The following SMG6 variants were observed in gnomAD, a reference collection of about 807,000 sequenced individuals.
SMG6 encodes the protein SMG6 nonsense mediated mRNA decay factor.
In SMG6, 66 loss-of-function variants were observed where a neutral mutation model predicts 142.2. The observed-to-expected ratio is 0.46, with a 90% CI of 0.38 to 0.57. SMG6 has a LOEUF of 0.57. SMG6 is among the 20% of genes least tolerant of loss of function. The pLI is 0.00. For missense variants in SMG6, 1,793 were observed against 1,832.0 expected (o/e 0.98, Z 0.39); for synonymous variants, 779 against 702.4 (o/e 1.11, Z -1.72).
intron 13 of SMG6, chr17:2,127,325 C>T (rs555921992): frequency 8.8e-6 from 4 of 454,684 alleles, no homozygotes; most frequent in African/African-American, 4.0e-5. Flanking sequence ...TAGTGATGGT[C>T]GCACAACACT....
At chr17:2,272,758 G>A (rs1194563921) in intron 8 of SMG6, among the ~76,000 whole-genome samples, 4 of 152,048 alleles carry the variant, frequency 2.6e-5, no homozygotes, top group Admixed American at 2.6e-4. Context: ...CTAACACGGT[G>A]AAACCCCATC....
At chr17:2,140,002 A>T (rs1455538573) in intron 13 of SMG6, among the ~76,000 whole-genome samples, 2 of 152,324 alleles carry the variant, frequency 1.3e-5, no homozygotes, top group East Asian at 3.9e-4. Context: ...CTGGGATTAC[A>T]GGCGTGAGCC....
At chr17:2,227,758 A>T (rs1567699445) in intron 10 of SMG6, among the ~76,000 whole-genome samples, 1 of 152,250 alleles carries the variant, frequency 6.6e-6, no homozygotes, top group Admixed American at 6.5e-5. Context: ...AATTCATTTT[A>T]AAATATAGGA....
At chr17:2,134,522 T>C (rs1023879321) in intron 13 of SMG6, among the ~76,000 whole-genome samples, 3 of 150,292 alleles carry the variant, frequency 2.0e-5, no homozygotes, top group Non-Finnish European at 4.4e-5. Flanking sequence ...AAAATGCTGA[T>C]GTAAGTTTTA....
intron 13 of SMG6, among the ~76,000 whole-genome samples, chr17:2,165,544 A>G (rs2071310807): frequency 6.6e-6 from 1 of 152,244 alleles, no homozygotes; most frequent in African/African-American, 2.4e-5. Flanking sequence ...AAAATCTGAA[A>G]TCAAGCTTTG....
intron 13 of SMG6, among the ~76,000 whole-genome samples, chr17:2,164,081 G>A (rs1268341874): frequency 2.6e-5 from 4 of 151,464 alleles, no homozygotes; most frequent in Non-Finnish European, 5.9e-5. Context: ...GGACGACAAT[G>A]ACAGGGTGAA....
At chr17:2,272,831 G>A (rs761556906) in intron 8 of SMG6, among the ~76,000 whole-genome samples, 6 of 151,896 alleles carry the variant, frequency 4.0e-5, no homozygotes, top group East Asian at 1.9e-4. Flanking sequence ...CCAGCTACTC[G>A]GGAGGCTGAG....
intron 13 of SMG6, among the ~76,000 whole-genome samples, chr17:2,139,852 A>G (rs1283427536): frequency 6.6e-6 from 1 of 151,928 alleles, no homozygotes; most frequent in Non-Finnish European, 1.5e-5. Context: ...CAGCCTCCCA[A>G]GTAGCTGGGA....
chr17:2,182,352 T>C (rs1231882255), intron 12 of SMG6, among the ~76,000 whole-genome samples: 4 of 152,152 alleles, frequency 2.6e-5, no homozygotes, highest in Non-Finnish European at 5.9e-5. Flanking sequence ...GCTCCAAGGC[T>C]TCAGCCTGGA....
At chr17:2,208,198 A>G (rs899198272) in intron 10 of SMG6, among the ~76,000 whole-genome samples, 85 of 152,132 alleles carry the variant, frequency 5.6e-4, no homozygotes, top group African/African-American at 2.1e-3. Flanking sequence ...AAGAGACAAA[A>G]TAGCAAACCT....
Position 2,243,110 on chromosome 17 carries a change from T to C in SMG6, c.2723+1548A>G, listed in dbSNP as rs531604777. On this transcript the variant is annotated intron_variant, in intron 9 of 18. Transcript: ENST00000263073. Reference sequence around the variant, plus strand: ...AGTGATGCATCTAGTTTACTTTGCCTAAGTGAATGTCTCCACCTGTTATGT... The same window carrying C: ...AGTGATGCATCTAGTTTACTTTGCCCAAGTGAATGTCTCCACCTGTTATGT... 1.4e-4 allele frequency among the ~76,000 whole-genome samples: 22 copies of C among 152,256 alleles called. No homozygotes were observed. In the South Asian group the frequency reaches 4.6e-3, roughly 32 times the overall value.
At chr17:2,290,837 T>A (rs2075014745) in intron 6 of SMG6, among the ~76,000 whole-genome samples, 1 of 152,164 alleles carries the variant, frequency 6.6e-6, no homozygotes, top group African/African-American at 2.4e-5. Flanking sequence ...GATATGTAGA[T>A]GGCAAGCATA....
chr17:2,276,346 T>G (rs2074648264), intron 8 of SMG6, among the ~76,000 whole-genome samples: 1 of 151,958 alleles, frequency 6.6e-6, no homozygotes, highest in Non-Finnish European at 1.5e-5. Flanking sequence ...AGGATCATGT[T>G]AGGAGCCAGG....
chr17:2,212,534 T>C (rs762601807), intron 10 of SMG6: 10 of 152,066 alleles, frequency 6.6e-5, no homozygotes, highest in Non-Finnish European at 1.5e-4. Context: ...TGACCTTCAG[T>C]TTTCAAACCA....
rs1361865730 is a variant in SMG6 at position 2,236,615 on chromosome 17, C to G, written c.2746G>C (p.Ala916Pro). 1 of 1,611,910 alleles carries G rather than the reference C, an allele frequency of 6.2e-7. No homozygotes were observed. Among genetic ancestry groups the G allele is most frequent in the Non-Finnish European group, 8.5e-7 (1 of 1,178,996 alleles). The change falls in exon 10 of 19, where the codon GCT becomes CCT. Residue 916 changes from alanine to proline, a missense_variant. Ala to Pro is a conservative substitution (Grantham distance 27). Coordinates refer to ENST00000263073, the MANE Select transcript of SMG6 (RefSeq NM_017575.5). Reference protein sequence around the residue: ...RIGMETFPAVAEKVLKEFQVL... With the variant: ...RIGMETFPAVPEKVLKEFQVL... ...TGGAACTCCTTGAGGACCTTCTCAG[C>G]CACTGCAGGGAATGTCTCCATCCTG...
At chr17:2,118,074 T>C (rs1371944580) in intron 13 of SMG6, among the ~76,000 whole-genome samples, 5 of 151,580 alleles carry the variant, frequency 3.3e-5, no homozygotes, top group Admixed American at 1.3e-4. Flanking sequence ...GAGACCCCAT[T>C]TCTATAAAAA....
intron 13 of SMG6, chr17:2,117,578 G>A (rs2069546816): frequency 6.6e-6 from 1 of 151,984 alleles, no homozygotes; most frequent in Non-Finnish European, 1.5e-5. Flanking sequence ...AATGTATTTA[G>A]GAATAAACTT....
chr17:2,251,531 C>T (rs1363857442), intron 8 of SMG6, among the ~76,000 whole-genome samples: 2 of 152,210 alleles, frequency 1.3e-5, no homozygotes, highest in East Asian at 1.9e-4. Context: ...AGATCTGAGA[C>T]ATGTGAATTT....
At chr17:2,244,493 T>C (rs2073885870) in intron 9 of SMG6, among the ~76,000 whole-genome samples, 165 bp downstream of exon 9, 2 of 152,180 alleles carry the variant, frequency 1.3e-5, no homozygotes, top group Admixed American at 1.3e-4. Flanking sequence ...CCAAATTTCA[T>C]GAGCACAGTA....
Sources: gnomAD v4.1 joint callset for allele counts (sites outside exome capture counted in the v4.1 genomes callset) on GRCh38, gnomAD v4.1.1 for gene constraint, MANE v1.5 for transcripts, NCBI Gene and HGNC (gene_info 2026-07-23, HGNC 2026-07-21) for gene names.